SPATA22: variants seen among roughly 807,000 people sequenced by gnomAD.
SPATA22 encodes spermatogenesis-associated protein 22.
SPATA22 carries 29 observed loss-of-function variants against 47.8 expected under a neutral mutation model. The ratio of observed to expected loss-of-function variants is 0.61; its 90% CI spans 0.45 to 0.83. SPATA22 has a LOEUF of 0.83. Among genes scored for constraint, SPATA22 ranks in the 40% least tolerant of loss-of-function variants. The pLI is 0.00. For missense variants in SPATA22, 410 were observed against 421.7 expected (o/e 0.97, Z 0.24); for synonymous variants, 133 against 140.9 (o/e 0.94, Z 0.40).
chr17:3,443,972 A>T (rs565739199), intron 7 of SPATA22, among the ~76,000 whole-genome samples: 13 of 152,062 alleles, frequency 8.5e-5, no homozygotes, highest in Non-Finnish European at 1.5e-4. Flanking sequence ...TTAAGTCTCT[A>T]GACTTACTCA....
At position 3,488,596 on chromosome 17, in the gene SPATA22, G is replaced by A. The variant is rs2073767834; in HGVS notation, c.-73-19198C>T. Among the ~76,000 whole-genome samples, 1 of 152,206 alleles carries A rather than the reference G, an allele frequency of 6.6e-6. No individual in the cohort carries two copies. Among genetic ancestry groups the A allele is most frequent in the Non-Finnish European group, 1.5e-5 (1 of 68,044 alleles). The stretch of plus-strand genomic sequence containing the variant: ...CGCTTGAACCTGGGAGGCAGAGGTT[G>A]CAGTGAGCAGAAATCACACCACTGT... On this transcript the variant is annotated intron_variant, in intron 1 of 8. Transcript: ENST00000541913. This position sits in a 1 kb window ranked among gnomAD's most constrained non-coding sequence, Gnocchi z 6.1.
chr17:3,506,931 ACT>A (rs1417545774), intron 1 of SPATA22, among the ~76,000 whole-genome samples: 1 of 146,140 alleles, frequency 6.8e-6, no homozygotes, highest in Non-Finnish European at 1.5e-5. Context: ...ACAAGGCAAG[ACT>A]CTGTCGGAAA....
rs188122817 is a variant in SPATA22, at chr17:3,457,069, A to G, written c.329+5414T>C. Reference sequence around the variant, plus strand: ...TATCTCAAAATAGTAAGGGCTATCTATGACAAACCCACAGCCAATATCATA... The same window carrying G: ...TATCTCAAAATAGTAAGGGCTATCTGTGACAAACCCACAGCCAATATCATA... On this transcript the variant is annotated intron_variant, in intron 5 of 8. Coordinates refer to ENST00000572969, the MANE Select transcript of SPATA22 (RefSeq NM_001170698.2). Among the ~76,000 whole-genome samples, 26 of 152,340 alleles carry G rather than the reference A, an allele frequency of 1.7e-4. No individual in the cohort carries two copies. The East Asian group carries it at 5.0e-3, about 29-fold the overall frequency.
chr17:3,502,547 A>C (rs886783680), intron 1 of SPATA22: 17 of 152,220 alleles, frequency 1.1e-4, no homozygotes, highest in African/African-American at 3.6e-4. Flanking sequence ...GGAGACTTTT[A>C]AGTGCTGTTT....
rs764015107 is a variant in SPATA22 at position 3,467,484 on chromosome 17, T to C, written c.114A>G (p.Lys38=). ...NRQPLTSNPL[K]DDSGISTPSD... ...AAGGGGTACTGATACCTGAATCATC[T>C]TTAAGTGGATTAGAAGTTAATGGCT... The change falls in exon 3 of 9, where the codon AAA becomes AAG. Residue 38 remains lysine (K), a synonymous_variant. Coordinates refer to ENST00000572969, the MANE Select transcript of SPATA22 (RefSeq NM_001170698.2). The C allele has an allele frequency of 6.2e-7, 1 of 1,610,780 alleles. No individual in the cohort carries two copies. Among genetic ancestry groups the C allele is most frequent in the Admixed American group, 1.7e-5 (1 of 59,846 alleles).
chr17:3,454,301 TTTA>T (rs943707527), intron 5 of SPATA22, among the ~76,000 whole-genome samples: 2 of 151,180 alleles, frequency 1.3e-5, no homozygotes, highest in African/African-American at 2.4e-5. Context: ...TTTATTTATT[TTTA>T]TTATTATTAT....
At chr17:3,491,570 A>G (rs1480391006) in intron 1 of SPATA22, among the ~76,000 whole-genome samples, 2 of 152,056 alleles carry the variant, frequency 1.3e-5, no homozygotes, top group Admixed American at 1.3e-4. Context: ...AACATGGGGA[A>G]AACCTTGTCT....
chr17:3,467,989 A>G (rs907032289), intron 2 of SPATA22, among the ~76,000 whole-genome samples: 3 of 152,164 alleles, frequency 2.0e-5, no homozygotes, highest in African/African-American at 7.2e-5. Flanking sequence ...TGGTTCTCAA[A>G]GTTTCATTGG....
At chr17:3,444,776 G>A (rs1400427510) in intron 7 of SPATA22, among the ~76,000 whole-genome samples, 1 of 152,036 alleles carries the variant, frequency 6.6e-6, no homozygotes, top group Non-Finnish European at 1.5e-5. Flanking sequence ...GGGGGTGCTT[G>A]CAACTGGAAG....
chr17:3,460,798 A>G (rs1026829084), intron 5 of SPATA22, among the ~76,000 whole-genome samples: 1 of 149,008 alleles, frequency 6.7e-6, no homozygotes, highest in African/African-American at 2.5e-5. Flanking sequence ...GTCTCAAAAA[A>G]AAAAAAAAAA....
Position 3,498,905 on chromosome 17 carries a change from A to G in SPATA22, c.-74+14507T>C. 6.3e-7 allele frequency: 1 copy of G among 1,590,442 alleles called. No homozygotes were observed. Among genetic ancestry groups the G allele is most frequent in the Non-Finnish European group, 8.6e-7 (1 of 1,168,426 alleles). On this transcript the variant is annotated intron_variant, in intron 1 of 8. Transcript: ENST00000541913. ...TTTCCTGAGAGGATCAAGACTGGAA[A>G]CCACTGCATCCTGGGGATCCCATGT...
chr17:3,508,303 G>A (rs2150771069), intron 1 of SPATA22, among the ~76,000 whole-genome samples: 1 of 151,220 alleles, frequency 6.6e-6, no homozygotes, highest in South Asian at 2.1e-4. Context: ...CTGTTGGTGG[G>A]ACTGTAAACT....
chr17:3,508,465 G>A (rs1410314631), intron 1 of SPATA22, among the ~76,000 whole-genome samples: 3 of 150,914 alleles, frequency 2.0e-5, no homozygotes, highest in African/African-American at 7.3e-5. Flanking sequence ...GTTTATTGCG[G>A]CACTATTCAC....
chr17:3,458,093 T>C (rs142603894), intron 5 of SPATA22, among the ~76,000 whole-genome samples: 1 of 152,068 alleles, frequency 6.6e-6, no homozygotes, highest in Non-Finnish European at 1.5e-5. Context: ...GTAGTTAATA[T>C]CCAAAATATT....
intron 1 of SPATA22, among the ~76,000 whole-genome samples, chr17:3,476,937 C>T (rs780427761): frequency 1.1e-4 from 16 of 152,112 alleles, no homozygotes; most frequent in Non-Finnish European, 1.6e-4. Flanking sequence ...AGGCGGATCA[C>T]GAGGTCAGGA....
At chr17:3,466,908 G>C (rs535798632) in intron 3 of SPATA22, among the ~76,000 whole-genome samples, 26 of 152,132 alleles carry the variant, frequency 1.7e-4, no homozygotes, top group African/African-American at 6.3e-4. Context: ...AAATTGGGGG[G>C]GATCACATTT....
chr17:3,489,088 G>A (rs1417218977), intron 1 of SPATA22: 1 of 574,870 alleles, frequency 1.7e-6, no homozygotes, highest in East Asian at 3.0e-5. Flanking sequence ...CAAACATTAT[G>A]TCTCAAATAT....
At chr17:3,459,442 G>A (rs904319028) in intron 5 of SPATA22, among the ~76,000 whole-genome samples, 7 of 152,068 alleles carry the variant, frequency 4.6e-5, no homozygotes, top group Admixed American at 2.0e-4. Flanking sequence ...ATCTCACTTT[G>A]TCACCCAGGC....
rs768152290 is a variant in SPATA22 at position 3,481,735 on chromosome 17, G to A, written c.-73-12337C>T. The A allele has an allele frequency of 3.7e-6, 6 of 1,613,510 alleles. No individual in the cohort carries two copies. The African/African-American group carries it at 6.7e-5, about 18-fold the overall frequency. On this transcript the variant is annotated intron_variant, in intron 1 of 8. Coordinates refer to the SPATA22 transcript ENST00000541913. Reference sequence around the variant, plus strand: ...TTCACAACACCACCTCTAACATGGGGTGCACTCTTATTCTTGAGGATTCCA... The same window carrying A: ...TTCACAACACCACCTCTAACATGGGATGCACTCTTATTCTTGAGGATTCCA...
Sources: allele counts gnomAD v4.1 joint callset (sites outside exome capture counted in the v4.1 genomes callset), GRCh38; gene constraint gnomAD v4.1.1; non-coding constraint Gnocchi (gnomAD v3.1); transcripts MANE v1.5; gene names NCBI Gene and HGNC (gene_info 2026-07-23, HGNC 2026-07-21).